The following KLHL1 variants were observed in gnomAD, a reference collection of about 807,000 sequenced individuals.
The protein encoded by KLHL1 is kelch like family member 1, also known as kelch-like protein 1.
Under a neutral mutation model 77.7 loss-of-function variants are expected in KLHL1, and 47 were observed. The ratio of observed to expected loss-of-function variants is 0.60; its 90% CI spans 0.48 to 0.77. KLHL1 has a LOEUF of 0.77. KLHL1 is among the 30% of genes least tolerant of loss of function. The pLI is 0.00. For synonymous variants in KLHL1, 360 were observed against 325.2 expected, an observed-to-expected ratio of 1.11 and a Z score of -1.15; for missense variants, 925 against 910.8, an observed-to-expected ratio of 1.02 and a Z score of -0.20.
At chr13:69,918,708 A>G (rs576696648) in intron 4 of KLHL1, among the ~76,000 whole-genome samples, 13 of 152,188 alleles carry the variant, frequency 8.5e-5, no homozygotes, top group African/African-American at 2.6e-4. Context: ...CCAATTTTCA[A>G]CTGTTGCTTT....
chr13:69,890,099 G>A (rs1276163798), intron 4 of KLHL1, among the ~76,000 whole-genome samples: 1 of 151,924 alleles, frequency 6.6e-6, no homozygotes, highest in Non-Finnish European at 1.5e-5. Flanking sequence ...TTTCTAGTGA[G>A]GGGGACAGTA....
In KLHL1 at chr13:69,826,540, G is replaced by A. The variant is rs182140978; in HGVS notation, c.1414+12436C>T. ...GGTTGCAGTTAGCCAAGATCCTGCC[G>A]TTGCACTCCAGCCTAGGCAACAAGA... is the stretch of plus-strand genomic sequence containing the variant. On this transcript the variant is annotated intron_variant, in intron 6 of 10. Transcript: ENST00000377844. 5.8e-3 allele frequency among the ~76,000 whole-genome samples: 887 copies of A among 152,060 alleles called. 12 individuals are homozygous for A. Among genetic ancestry groups the A allele is most frequent in the African/African-American group, 0.02 (810 of 41,462 alleles).
intron 1 of KLHL1, among the ~76,000 whole-genome samples, chr13:70,073,904 C>T (rs1264364232): frequency 2.0e-5 from 3 of 151,842 alleles, no homozygotes; most frequent in Admixed American, 6.6e-5. Context: ...TGGCTCACCG[C>T]AGCCTCCACC....
rs1457914083 is a variant in KLHL1 at position 69,893,979 on chromosome 13, A to G, written c.1015-11484T>C. The G allele has an allele frequency of 2.6e-5, 4 of 152,908 alleles. No individual in the cohort carries two copies. In the Admixed American group the frequency reaches 2.6e-4, roughly 10 times the overall value. The allele number at this position is 152,908 out of a possible 1,614,324, so 9.5% of individuals were successfully genotyped here. A position where few individuals can be genotyped will look rare whatever the true frequency, so the allele number is the denominator to read the frequency against. On this transcript the variant is annotated intron_variant, in intron 4 of 10. Coordinates refer to ENST00000377844, the MANE Select transcript of KLHL1 (RefSeq NM_020866.3). ...ACACATAGGATGTTTGCTAATAAAA[A>G]TCAACTGGAAAATGGATTTCACTGG...
At chr13:69,975,834 A>ACAC (rs745328462) in intron 1 of KLHL1, 32 bp from the exon 2 acceptor site, 1 of 1,517,248 alleles carries the variant, frequency 6.6e-7, no homozygotes, top group South Asian at 1.3e-5. Context: ...ACACACACAC[A>ACAC]AAATAATAAA....
At chr13:69,818,217 A>ATTTTTTTTTTTTTTTTTTTTTTTTT (rs1878195724) in intron 6 of KLHL1, among the ~76,000 whole-genome samples, 8 of 124,416 alleles carry the variant, frequency 6.4e-5, no homozygotes, top group African/African-American at 2.3e-4. Flanking sequence ...ACTCATAGGC[A>ATTTTTTTTTTTTTTTTTTTTTTTTT]TCTTTTTTTT....
At chr13:69,821,597 G>A (rs1267314666) in intron 6 of KLHL1, among the ~76,000 whole-genome samples, 2 of 152,092 alleles carry the variant, frequency 1.3e-5, no homozygotes, top group African/African-American at 2.4e-5. Context: ...TTACAGGGGC[G>A]TGCCACCACA....
intron 1 of KLHL1, among the ~76,000 whole-genome samples, chr13:70,078,879 T>G (rs1203562420): frequency 1.3e-5 from 2 of 152,196 alleles, no homozygotes; most frequent in Non-Finnish European, 2.9e-5. Flanking sequence ...AGTGAATATG[T>G]TGAAATGAAC....
At chr13:69,965,249 G>T (rs9317851) in intron 2 of KLHL1, among the ~76,000 whole-genome samples, 60,043 of 152,040 alleles carry the variant, frequency 0.39, 12,499 homozygotes, top group Non-Finnish European at 0.47. Context: ...ATCAAAACCA[G>T]TTTTCCAACA....
At chr13:69,980,508 G>T (rs1269529202) in intron 1 of KLHL1, among the ~76,000 whole-genome samples, 1 of 152,008 alleles carries the variant, frequency 6.6e-6, no homozygotes, top group African/African-American at 2.4e-5. Context: ...AATAATTTCA[G>T]TTTCTGCAAT....
At chr13:69,916,891 T>A (rs1044173176) in intron 4 of KLHL1, among the ~76,000 whole-genome samples, 3 of 151,988 alleles carry the variant, frequency 2.0e-5, no homozygotes. Flanking sequence ...AATATTGGTA[T>A]TTTTTTAGAA....
At chr13:69,814,536 C>T (rs543999415) in intron 6 of KLHL1, among the ~76,000 whole-genome samples, 2 of 151,958 alleles carry the variant, frequency 1.3e-5, no homozygotes, top group Admixed American at 6.5e-5. Context: ...CTTTAAGACA[C>T]TTAAAAAAAA....
At chr13:69,929,061 T>C (rs1882909154) in intron 4 of KLHL1, among the ~76,000 whole-genome samples, 1 of 152,088 alleles carries the variant, frequency 6.6e-6, no homozygotes, top group Non-Finnish European at 1.5e-5. Context: ...AGACGGCACT[T>C]ATCAACATTA....
rs76403230 is a variant in KLHL1, at chr13:69,909,906, G to A, written c.1015-27411C>T. On this transcript the variant is annotated intron_variant, in intron 4 of 10. Transcript: ENST00000377844. ...GCCTCTGTGAGGCATTCAGTCAACC[G>A]TGGAGTCCTCCTTAAGTTCCTCTCA... Among the ~76,000 whole-genome samples the A allele has an allele frequency of 1.6e-4, 25 of 152,100 alleles. No homozygotes were observed. In the East Asian group the frequency reaches 3.9e-3, roughly 24 times the overall value.
intron 6 of KLHL1, among the ~76,000 whole-genome samples, chr13:69,802,359 T>G (rs2138048080): frequency 6.6e-6 from 1 of 152,288 alleles, no homozygotes. Context: ...TGAAATGATT[T>G]ATAATCTTTT....
chr13:69,824,685 A>G (rs79390555), intron 6 of KLHL1, among the ~76,000 whole-genome samples: 5 of 152,172 alleles, frequency 3.3e-5, no homozygotes, highest in African/African-American at 1.2e-4. Flanking sequence ...TGTGAAGTCT[A>G]CAAATAGGCA....
At chr13:69,809,476 A>G (rs1877767076) in intron 6 of KLHL1, among the ~76,000 whole-genome samples, 1 of 152,164 alleles carries the variant, frequency 6.6e-6, no homozygotes, top group Non-Finnish European at 1.5e-5. Flanking sequence ...TAAATAAAGG[A>G]GAGATAAAGT....
chr13:70,027,048 T>A (rs965082883), intron 1 of KLHL1, among the ~76,000 whole-genome samples: 5 of 152,044 alleles, frequency 3.3e-5, no homozygotes, highest in Non-Finnish European at 7.4e-5. Context: ...AAACAACAAA[T>A]TTTGAGTTTA....
At chr13:69,862,666 C>G (rs1880218569) in intron 5 of KLHL1, among the ~76,000 whole-genome samples, 1 of 150,570 alleles carries the variant, frequency 6.6e-6, no homozygotes, top group Non-Finnish European at 1.5e-5. Context: ...AGAGAAAGAG[C>G]CTTTAAGGAG....
Sources: gnomAD v4.1 joint callset for allele counts (sites outside exome capture counted in the v4.1 genomes callset) on GRCh38, gnomAD v4.1.1 for gene constraint, MANE v1.5 for transcripts, NCBI Gene and HGNC (gene_info 2026-07-23, HGNC 2026-07-21) for gene names.